The following NPS variants were observed in gnomAD, a reference collection of about 807,000 sequenced individuals.
The protein encoded by NPS is prepro-neuropeptide S.
Under a neutral mutation model 7.2 loss-of-function variants are expected in NPS, and 6 were observed. That is an observed-to-expected ratio of 0.83 (90% confidence interval 0.46 to 1.64). The LOEUF (loss-of-function observed/expected upper bound fraction) is 1.64. Among genes scored for constraint, NPS ranks in the 40% most tolerant of loss-of-function variants. The pLI is 0.01. For synonymous variants in NPS, 42 were observed against 36.7 expected, an observed-to-expected ratio of 1.14 and a Z score of -0.52; for missense variants, 123 against 97.8, an observed-to-expected ratio of 1.26 and a Z score of -1.09.
rs1844860291 is a variant in NPS at position 127,551,650 on chromosome 10, C to T, written c.91-810C>T. ...AGCAGCACACAGATCATGGGTAAAT[C>T]TGTGCTTTGCATTATTGGTGAAATT... On this transcript the variant is annotated intron_variant, in intron 2 of 2. Coordinates refer to ENST00000398023, the MANE Select transcript of NPS (RefSeq NM_001030013.2). Among the ~76,000 whole-genome samples the T allele has an allele frequency of 3.3e-5, 5 of 152,112 alleles. No homozygotes were observed. The South Asian group carries it at 1.0e-3, about 32-fold the overall frequency.
intron 2 of NPS, among the ~76,000 whole-genome samples, chr10:127,551,596 G>A (rs1844859939): frequency 6.6e-6 from 1 of 152,114 alleles, no homozygotes; most frequent in Admixed American, 6.5e-5. Context: ...TTTTGTTTAG[G>A]AGTAGGACAA....
At chr10:127,551,096 G>A (rs1225160819) in intron 2 of NPS, among the ~76,000 whole-genome samples, 1 of 152,140 alleles carries the variant, frequency 6.6e-6, no homozygotes, top group Non-Finnish European at 1.5e-5. Flanking sequence ...CCCTGCTGGG[G>A]ATTTTAAATA....
chr10:127,551,961 G>C (rs1466881978), intron 2 of NPS, among the ~76,000 whole-genome samples: 1 of 152,186 alleles, frequency 6.6e-6, no homozygotes, highest in East Asian at 1.9e-4. Flanking sequence ...CCAGCCTCGA[G>C]CCAGTGATGA....
intron 2 of NPS, among the ~76,000 whole-genome samples, chr10:127,551,999 G>A (rs756659495): frequency 6.6e-6 from 1 of 152,218 alleles, no homozygotes; most frequent in Non-Finnish European, 1.5e-5. Flanking sequence ...AGAAGTTGAA[G>A]ATGCCATTGT....
rs1160996324 is a variant in NPS at position 127,553,291 on chromosome 10, T to G, written c.*652T>G. On this transcript the variant is annotated 3_prime_UTR_variant, in exon 3 of 3. Coordinates refer to ENST00000398023, the MANE Select transcript of NPS (RefSeq NM_001030013.2). ...GGAAATTTGTTGCCTTTTAAAATCT[T>G]TAAGCACAGAAATGCTGCCAGTAAC... Among the ~76,000 whole-genome samples the G allele has an allele frequency of 2.0e-5, 3 of 152,178 alleles. No homozygotes were observed. The highest frequency in any genetic ancestry group is 7.2e-5 in the African/African-American group (3 of 41,450).
At position 127,552,535 on chromosome 10, in the gene NPS, GC is replaced by G; in HGVS notation, c.167del (p.Ala56ValfsTer3). The G allele has an allele frequency of 6.2e-7, 1 of 1,612,296 alleles. No homozygotes were observed. The highest frequency in any genetic ancestry group is 1.1e-5 in the South Asian group (1 of 91,044). ...CAGATTGGACAGGAGCAAAGAACTA[GC>G]TTTTCTAAAGCCAATTTTGGAGAAG... ...PTRLDRSKEL[A>X]FLKPILEKMF... On this transcript the variant is annotated frameshift_variant, in exon 3 of 3. Transcript: ENST00000398023. LOFTEE classifies it high-confidence loss of function.
chr10:127,549,893 C>G (rs974743602), intron 2 of NPS, among the ~76,000 whole-genome samples: 17 of 152,108 alleles, frequency 1.1e-4, no homozygotes, highest in African/African-American at 3.9e-4. Flanking sequence ...TCAAAGTGAA[C>G]ACTTAACCAT....
At chr10:127,549,433 C>T in intron 1 of NPS, 56 bp from the exon 2 acceptor site, 2 of 1,588,254 alleles carry the variant, frequency 1.3e-6, no homozygotes, top group East Asian at 4.5e-5. Flanking sequence ...TGCTGTTTTA[C>T]TTATTCTTGC....
Position 127,549,540 on chromosome 10 carries a change from GT to G in NPS, c.64del (p.Trp22GlyfsTer21). ...LVLSLSTMHV[F>X]WCYPVPSSKV... The stretch of plus-strand genomic sequence containing the variant: ...TTCTGTCGCTGTCCACAATGCATGT[GT>G]TTTGGTGTTATCCAGTTCCATCTTC... On this transcript the variant is annotated frameshift_variant, in exon 2 of 3. Transcript: ENST00000398023. LOFTEE classifies it low-confidence loss of function (END_TRUNC). 1 of 1,610,818 alleles carries G rather than the reference GT, an allele frequency of 6.2e-7. No homozygotes were observed. Among genetic ancestry groups the G allele is most frequent in the Non-Finnish European group, 8.5e-7 (1 of 1,177,082 alleles).
intron 2 of NPS, among the ~76,000 whole-genome samples, chr10:127,549,980 G>A (rs55993582): frequency 0.088 from 13,365 of 151,984 alleles, 750 homozygotes; most frequent in Non-Finnish European, 0.14. Context: ...TAGATAAAAC[G>A]TTAGCTCTAA....
chr10:127,549,619 T>C (rs772841434), intron 2 of NPS, 49 bp downstream of exon 2: 12 of 1,004,782 alleles, frequency 1.2e-5, no homozygotes, highest in African/African-American at 1.1e-4. Context: ...ACTAGAATGG[T>C]AAATTATGTA....
rs1844868238 is a variant in NPS, at chr10:127,552,618, C to T, written c.249C>T (p.Ser83=). The T allele has an allele frequency of 6.2e-7, 1 of 1,612,866 alleles. No homozygotes were observed. Among genetic ancestry groups the T allele is most frequent in the Non-Finnish European group, 8.5e-7 (1 of 1,179,090 alleles). Residue 83 remains serine (S), a synonymous_variant, in exon 3 of 3, where the codon TCC becomes TCT. Transcript: ENST00000398023. Reference sequence around the variant, plus strand: ...TTGGCACAGGGATGAAAAAAACTTCCTTTCAAAGAGCAAAATCATGACTAA... The same window carrying T: ...TTGGCACAGGGATGAAAAAAACTTCTTTTCAAAGAGCAAAATCATGACTAA... ...NGVGTGMKKT[S]FQRAKS
At position 127,552,562 on chromosome 10, in the gene NPS, A is replaced by AT. The variant is rs761754983; in HGVS notation, c.194dup (p.Met65IlefsTer36). ...TTTTCTAAAGCCAATTTTGGAGAAG[A>AT]TGTTTGTGAAAAGGTCCTTTCGCAA... On this transcript the variant is annotated frameshift_variant, in exon 3 of 3. Coordinates refer to ENST00000398023, the MANE Select transcript of NPS (RefSeq NM_001030013.2). LOFTEE classifies it high-confidence loss of function. 6.2e-7 allele frequency: 1 copy of AT among 1,613,578 alleles called. No individual in the cohort carries two copies. The highest frequency in any genetic ancestry group is 1.7e-5 in the Admixed American group (1 of 60,026).
In NPS at chr10:127,549,555, A is replaced by T. The variant is rs759816107; in HGVS notation, c.75A>T (p.Pro25=). Residue 25 remains proline, a synonymous_variant, in exon 2 of 3, where the codon CCA becomes CCT. Transcript: ENST00000398023. ...CAATGCATGTGTTTTGGTGTTATCC[A>T]GTTCCATCTTCTAAGGTAAGGATTT... The part of the protein sequence containing the change: ...LSTMHVFWCY[P]VPSSKVSGKS... 2 of 1,602,796 alleles carry T rather than the reference A, an allele frequency of 1.2e-6. No individual in the cohort carries two copies. Among genetic ancestry groups the T allele is most frequent in the Non-Finnish European group, 8.5e-7 (1 of 1,169,808 alleles).
intron 1 of NPS, 26 bp downstream of exon 1, chr10:127,549,402 GA>G: frequency 1.2e-6 from 2 of 1,605,004 alleles, no homozygotes; most frequent in South Asian, 1.1e-5. Context: ...TTTCTGCAAA[GA>G]AAAATGTTGC....
In NPS at chr10:127,552,510, C is replaced by T; in HGVS notation, c.141C>T (p.Thr47=). Reference sequence around the variant, plus strand: ...TCATTCTGCTGAACAGCTGCCCAACCAGATTGGACAGGAGCAAAGAACTAG... The same window carrying T: ...TCATTCTGCTGAACAGCTGCCCAACTAGATTGGACAGGAGCAAAGAACTAG... ...YFLILLNSCP[T]RLDRSKELAF... is the part of the protein sequence containing the mutation. Residue 47 remains threonine (T), a synonymous_variant, in exon 3 of 3, where the codon ACC becomes ACT. Transcript: ENST00000398023. 2 of 1,612,318 alleles carry T rather than the reference C, an allele frequency of 1.2e-6. No homozygotes were observed. The highest frequency in any genetic ancestry group is 1.7e-6 in the Non-Finnish European group (2 of 1,178,456).
intron 2 of NPS, among the ~76,000 whole-genome samples, chr10:127,549,790 G>A (rs1421168589): frequency 1.3e-5 from 2 of 152,148 alleles, no homozygotes; most frequent in African/African-American, 4.8e-5. Context: ...GAATTATTTA[G>A]GGTTGGCTCC....
Position 127,552,538 on chromosome 10 carries a change from T to C in NPS, c.169T>C (p.Phe57Leu). 6.2e-7 allele frequency: 1 copy of C among 1,613,130 alleles called. No individual in the cohort carries two copies. The highest frequency in any genetic ancestry group is 8.5e-7 in the Non-Finnish European group (1 of 1,179,102). Residue 57 changes from phenylalanine (F) to leucine (L), a missense_variant, in exon 3 of 3, where the codon TTT becomes CTT. By Grantham distance (22) the Phe-to-Leu change is conservative. Coordinates refer to ENST00000398023, the MANE Select transcript of NPS (RefSeq NM_001030013.2). The part of the protein sequence containing the change: ...TRLDRSKELA[F>L]LKPILEKMFV... ...ATTGGACAGGAGCAAAGAACTAGCTTTTCTAAAGCCAATTTTGGAGAAGAT... is the reference window on the plus strand; with the variant it reads ...ATTGGACAGGAGCAAAGAACTAGCTCTTCTAAAGCCAATTTTGGAGAAGAT...
At chr10:127,551,312 C>T (rs934822016) in intron 2 of NPS, among the ~76,000 whole-genome samples, 1 of 151,938 alleles carries the variant, frequency 6.6e-6, no homozygotes, top group African/African-American at 2.4e-5. Context: ...CTGGGTTGCA[C>T]TGAATCTTCA....
Sources: gnomAD v4.1 joint callset for allele counts (sites outside exome capture counted in the v4.1 genomes callset) on GRCh38, gnomAD v4.1.1 for gene constraint, MANE v1.5 for transcripts, NCBI Gene and HGNC (gene_info 2026-07-23, HGNC 2026-07-21) for gene names.